RHD: variants seen among roughly 807,000 people sequenced by gnomAD.
RHD encodes the protein Rh blood group D antigen, also known as blood group Rh(D) polypeptide.
A neutral mutation model predicts 45.5 loss-of-function variants in RHD; 16 were observed. The ratio of observed to expected loss-of-function variants is 0.35; its 90% confidence interval spans 0.24 to 0.53. The LOEUF is 0.53. RHD is among the 20% of genes least tolerant of loss of function. RHD has a pLI of 0.92. For missense variants in RHD, 306 were observed against 532.0 expected (o/e 0.58, Z 4.18); for synonymous variants, 131 against 217.5 (o/e 0.60, Z 3.50).
chr1:25,292,594 T>C (rs1407230011), intron 3 of RHD, among the ~76,000 whole-genome samples: 1 of 128,308 alleles, frequency 7.8e-6, no homozygotes, highest in Non-Finnish European at 1.8e-5. Context: ...GGGATAGATC[T>C]GGGAGGGAAA....
intron 8 of RHD, among the ~76,000 whole-genome samples, chr1:25,317,873 G>C (rs1644491268): frequency 9.2e-6 from 1 of 109,004 alleles, no homozygotes; most frequent in African/African-American, 3.1e-5. Flanking sequence ...AGGGGTTGAG[G>C]GCAGAATGGT....
chr1:25,314,181 T>C (rs1043299431), intron 7 of RHD, among the ~76,000 whole-genome samples: 5 of 133,108 alleles, frequency 3.8e-5, no homozygotes, highest in African/African-American at 1.0e-4. Flanking sequence ...CTCTAGTAGT[T>C]TGCGCCAATC....
chr1:25,307,693 G>A (rs1643921464), intron 7 of RHD: 2 of 1,307,364 alleles, frequency 1.5e-6, no homozygotes, highest in Non-Finnish European at 2.1e-6. Flanking sequence ...AGCAGGTGAT[G>A]AGGAGCTGAT....
In RHD at chr1:25,290,230, G is replaced by A. The variant is rs1315945978; in HGVS notation, c.336-411G>A. 3.1e-5 allele frequency among the ~76,000 whole-genome samples: 4 copies of A among 128,390 alleles called. No individual in the cohort carries two copies. In the South Asian group the frequency reaches 9.6e-4, roughly 31 times the overall value. 84.2% of individuals were successfully genotyped at this position (128,390 alleles called of 152,430 possible). A position where few individuals can be genotyped will look rare whatever the true frequency, so the allele number is the denominator to read the frequency against. On this transcript the variant is annotated intron_variant, in intron 2 of 9. Transcript: ENST00000328664. ...GGTGACTGGATGTGGGCAGGCCTGC[G>A]GGGGAAGAGTGCCCTCTGTTGAGCA...
rs764932087 is a variant in RHD, at chr1:25,328,998, C to G, written c.*74C>G. 1 of 1,375,126 alleles carries G rather than the reference C, an allele frequency of 7.3e-7. No homozygotes were observed. The highest frequency in any genetic ancestry group is 1.0e-6 in the Non-Finnish European group (1 of 976,784). The allele number at this position is 1,375,126 out of a possible 1,614,324, so 85.2% of individuals were successfully genotyped here. On this transcript the variant is annotated 3_prime_UTR_variant, in exon 10 of 10. Coordinates refer to ENST00000328664, the MANE Select transcript of RHD (RefSeq NM_016124.6). ...CCTCTCACTGTTGCCTGCATTTGTA[C>G]GTGAGAAACGCTCATGACAGCAAAG...
Position 25,279,223 on chromosome 1 carries a change from C to T in RHD, c.149-5350C>T, listed in dbSNP as rs1641270890. Among the ~76,000 whole-genome samples, 2 of 126,150 alleles carry T rather than the reference C, an allele frequency of 1.6e-5. 1 individual carries two copies. The highest frequency in any genetic ancestry group is 3.7e-5 in the Non-Finnish European group (2 of 53,832). 82.8% of individuals were successfully genotyped at this position (126,150 alleles called of 152,430 possible). ...TAAAGTCACACCGCTAATCAGCGGC[C>T]GGCACGGGGTAACAGTTACTAACAC... is the stretch of plus-strand genomic sequence containing the variant. On this transcript the variant is annotated intron_variant, in intron 1 of 9. Coordinates refer to ENST00000328664, the MANE Select transcript of RHD (RefSeq NM_016124.6).
At position 25,290,862 on chromosome 1, in the gene RHD, G is replaced by C. The variant is rs768386497; in HGVS notation, c.486+71G>C. ...AAGCTCCATTTGGTGGGGTTTCCAG[G>C]GTTTTGAAAAATAAAGACAACCTGT... On this transcript the variant is annotated intron_variant, in intron 3 of 9. Coordinates refer to ENST00000328664, the MANE Select transcript of RHD (RefSeq NM_016124.6). 186 of 1,328,554 alleles carry C rather than the reference G, an allele frequency of 1.4e-4. 50 individuals are homozygous for C. The highest frequency in any genetic ancestry group is 1.9e-4 in the Non-Finnish European group (181 of 934,402). 82.3% of individuals were successfully genotyped at this position (1,328,554 alleles called of 1,614,324 possible). A position where few individuals can be genotyped will look rare whatever the true frequency, so the allele number is the denominator to read the frequency against.
At chr1:25,322,341 T>C (rs1644756760) in intron 9 of RHD, among the ~76,000 whole-genome samples, 1 of 132,508 alleles carries the variant, frequency 7.5e-6, no homozygotes, top group Non-Finnish European at 1.8e-5. Context: ...CCAACCCCTT[T>C]TTTGACAGAT....
chr1:25,315,579 C>G (rs1571732008), intron 7 of RHD, among the ~76,000 whole-genome samples: 1 of 124,450 alleles, frequency 8.0e-6, no homozygotes, highest in East Asian at 2.0e-4. Context: ...TCACTGCAAA[C>G]TCCACCTCCC....
intron 1 of RHD, among the ~76,000 whole-genome samples, chr1:25,275,794 G>C (rs1401544956): frequency 7.6e-6 from 1 of 132,360 alleles, no homozygotes; most frequent in East Asian, 2.0e-4. Flanking sequence ...TTGATAATTT[G>C]AAATTGTCTT....
rs1342056401 is a variant in RHD at position 25,315,638 on chromosome 1, A to T, written c.1074-1362A>T. On this transcript the variant is annotated intron_variant, in intron 7 of 9. Coordinates refer to ENST00000328664, the MANE Select transcript of RHD (RefSeq NM_016124.6). ...CAGCCTCCTGAGTAGCTGGGACTAC[A>T]GGCGCCTGCCACCACTCCCGGCTAA... is the stretch of plus-strand genomic sequence containing the variant. Among the ~76,000 whole-genome samples the T allele has an allele frequency of 4.8e-5, 6 of 125,876 alleles. 1 individual carries two copies. Among genetic ancestry groups the T allele is most frequent in the African/African-American group, 1.6e-4 (6 of 36,434 alleles). The allele number at this position is 125,876 out of a possible 152,430, so 82.6% of individuals were successfully genotyped here. A position where few individuals can be genotyped will look rare whatever the true frequency, so the allele number is the denominator to read the frequency against.
intron 2 of RHD, among the ~76,000 whole-genome samples, chr1:25,285,805 C>T (rs372547112): frequency 7.4e-6 from 1 of 134,868 alleles, no homozygotes; most frequent in South Asian, 2.2e-4. Flanking sequence ...CCTCTGAATC[C>T]CTGTGCTGCC....
intron 7 of RHD, among the ~76,000 whole-genome samples, chr1:25,312,955 A>AAAAAAAAAATT: frequency 9.1e-6 from 1 of 109,972 alleles, no homozygotes; most frequent in Admixed American, 9.0e-5. Flanking sequence ...AAAAAAAAAA[A>AAAAAAAAAATT]CTTTAGTGCT....
chr1:25,321,933 A>C lies in RHD; in HGVS notation c.1198A>C (p.Lys400Gln), dbSNP rs371015060. 4 of 1,335,482 alleles carry C rather than the reference A, an allele frequency of 3.0e-6. 1 individual carries two copies. In the African/African-American group the frequency reaches 5.7e-5, roughly 19 times the overall value. The allele number at this position is 1,335,482 out of a possible 1,614,324, so 82.7% of individuals were successfully genotyped here. A position where few individuals can be genotyped will look rare whatever the true frequency, so the allele number is the denominator to read the frequency against. ...AATATGGAAAGCACCTCATGAGGCTAAATATTTTGATGACCAAGTTTTCTG... is the reference window on the plus strand; with the variant it reads ...AATATGGAAAGCACCTCATGAGGCTCAATATTTTGATGACCAAGTTTTCTG... ...LKIWKAPHEAKYFDDQVFWKF... is the reference protein window; with the variant it reads ...LKIWKAPHEAQYFDDQVFWKF... Residue 400 changes from lysine to glutamine, a missense_variant, in exon 9 of 10, where the codon AAA (lysine) becomes CAA (glutamine). Coordinates refer to ENST00000328664, the MANE Select transcript of RHD (RefSeq NM_016124.6).
chr1:25,299,251 G>A (rs546795387), intron 3 of RHD, among the ~76,000 whole-genome samples: 2 of 128,666 alleles, frequency 1.6e-5, no homozygotes, highest in East Asian at 3.9e-4. Context: ...GCACGGTGGT[G>A]GGTGCCTGTA....
intron 3 of RHD, among the ~76,000 whole-genome samples, chr1:25,292,796 C>G (rs1642628229): frequency 8.3e-6 from 1 of 120,812 alleles, no homozygotes; most frequent in African/African-American, 2.8e-5. Context: ...AGCCATGAGA[C>G]CCAAGGAGAT....
Position 25,330,345 on chromosome 1 carries a change from G to C in RHD, c.*1421G>C, listed in dbSNP as rs1372618978. The C allele has an allele frequency of 1.5e-5, 2 of 132,558 alleles. No individual in the cohort carries two copies. The highest frequency in any genetic ancestry group is 5.2e-5 in the African/African-American group (2 of 38,834). The allele number at this position is 132,558 out of a possible 1,614,324, so 8.2% of individuals were successfully genotyped here. ...GCTATATGTATGGTTGTTACTATGG[G>C]AAATCTTGTTTTGCCAATTTTCTTT... On this transcript the variant is annotated 3_prime_UTR_variant, in exon 10 of 10. Transcript: ENST00000328664.
At position 25,281,992 on chromosome 1, in the gene RHD, A is replaced by G. The variant is rs1456504860; in HGVS notation, c.149-2581A>G. Among the ~76,000 whole-genome samples the G allele has an allele frequency of 5.3e-5, 7 of 132,524 alleles. 1 individual carries two copies. Among genetic ancestry groups the G allele is most frequent in the Non-Finnish European group, 1.8e-5 (1 of 55,870 alleles). The allele number at this position is 132,524 out of a possible 152,430, so 86.9% of individuals were successfully genotyped here. A position where few individuals can be genotyped will look rare whatever the true frequency, so the allele number is the denominator to read the frequency against. On this transcript the variant is annotated intron_variant, in intron 1 of 9. Coordinates refer to ENST00000328664, the MANE Select transcript of RHD (RefSeq NM_016124.6). ...AGAGCTTCTCATTGTTATCAAGGCC[A>G]GGGCTGGAGACCAGTGGCAGGTGAG...
chr1:25,280,765 C>T (rs1349284100), intron 1 of RHD, among the ~76,000 whole-genome samples: 1 of 131,104 alleles, frequency 7.6e-6, no homozygotes, highest in African/African-American at 2.6e-5. Flanking sequence ...GCACTCGCCA[C>T]CACGCCCAAG....
Sources: allele counts gnomAD v4.1 joint callset (sites outside exome capture counted in the v4.1 genomes callset), GRCh38; gene constraint gnomAD v4.1.1; transcripts MANE v1.5; gene names NCBI Gene and HGNC (gene_info 2026-07-23, HGNC 2026-07-21).